Variants in NUP50 observed in about 807,000 individuals in gnomAD.
The protein encoded by NUP50 is nuclear pore complex protein Nup50.
NUP50 carries 14 observed loss-of-function variants against 36.8 expected under a neutral mutation model. The observed-to-expected ratio is 0.38, with a 90% CI of 0.25 to 0.59. The LOEUF (loss-of-function observed/expected upper bound fraction) is 0.59. Ranked by LOEUF, NUP50 falls within the 20% of genes least tolerant of loss-of-function variation. NUP50 has a pLI of 0.63. For missense variants in NUP50, 455 were observed against 564.6 expected, an observed-to-expected ratio of 0.81 and a Z score of 1.97; for synonymous variants, 195 against 210.8, an observed-to-expected ratio of 0.93 and a Z score of 0.65.
intron 6 of NUP50, among the ~76,000 whole-genome samples, chr22:45,182,396 C>T (rs1337681588): frequency 6.6e-6 from 1 of 152,096 alleles, no homozygotes; most frequent in Non-Finnish European, 1.5e-5. Flanking sequence ...GAGCCAAGAT[C>T]ATGCCACTGC....
chr22:45,181,825 C>G (rs554270039), intron 6 of NUP50, among the ~76,000 whole-genome samples: 2 of 152,348 alleles, frequency 1.3e-5, no homozygotes, highest in South Asian at 4.1e-4. Flanking sequence ...AAGTTAAGCA[C>G]AGTAACCGTC....
At chr22:45,177,471 A>G (rs1011445290) in intron 4 of NUP50, among the ~76,000 whole-genome samples, 10 of 152,060 alleles carry the variant, frequency 6.6e-5, no homozygotes, top group Non-Finnish European at 1.3e-4. Context: ...GTGAGCCACC[A>G]CACCTGGCTG....
intron 4 of NUP50, chr22:45,177,683 A>G: frequency 6.5e-6 from 1 of 152,906 alleles, no homozygotes; most frequent in Non-Finnish European, 1.5e-5. Context: ...GTCCTTTTGA[A>G]GGAAAAGATT....
chr22:45,171,054 T>C (rs2074185048), intron 2 of NUP50: 2 of 1,303,512 alleles, frequency 1.5e-6, no homozygotes, highest in Non-Finnish European at 2.0e-6. Flanking sequence ...ACATCAGAAG[T>C]GTGGACATGA....
chr22:45,171,472 G>C, intron 2 of NUP50, 128 bp from the exon 3 acceptor site: 2 of 869,746 alleles, frequency 2.3e-6, no homozygotes, highest in East Asian at 2.6e-5. Flanking sequence ...GCAAGCCATT[G>C]TGCCTGGCCA....
intron 2 of NUP50, 38 bp from the exon 3 acceptor site, chr22:45,171,562 C>T: frequency 3.9e-6 from 6 of 1,555,026 alleles, no homozygotes; most frequent in Non-Finnish European, 5.3e-6. Context: ...ATCTGTTTGG[C>T]TTTATCTTAC....
Position 45,168,359 on chromosome 22 carries a change from A to T in NUP50, c.69+113A>T, listed in dbSNP as rs551236454. On this transcript the variant is annotated intron_variant, in intron 2 of 7. Transcript: ENST00000347635. The stretch of plus-strand genomic sequence containing the variant: ...ACTAAAAGACCTTTCTAAGAACATC[A>T]TGAATGGGAGATGACAAGAAATTAT... 1.4e-4 allele frequency: 103 copies of T among 713,440 alleles called. 1 individual carries two copies. In the Admixed American group the frequency reaches 2.9e-3, roughly 20 times the overall value. 44.2% of individuals were successfully genotyped at this position (713,440 alleles called of 1,614,324 possible).
chr22:45,187,431 AAG>A lies in NUP50; in HGVS notation c.*2780_*2781del, dbSNP rs1414073654. 1.3e-5 allele frequency: 2 copies of A among 152,148 alleles called. No individual in the cohort carries two copies. The highest frequency in any genetic ancestry group is 1.9e-4 in the East Asian group (1 of 5,180). 9.4% of individuals were successfully genotyped at this position (152,148 alleles called of 1,614,324 possible). On this transcript the variant is annotated 3_prime_UTR_variant, in exon 8 of 8. Coordinates refer to ENST00000347635, the MANE Select transcript of NUP50 (RefSeq NM_007172.4). ...TATGCTGCATGCCAAAAAAAAAAAA[AAG>A]AGAAAACTGCCTTTTCTGGTGTGGA... is the stretch of plus-strand genomic sequence containing the variant.
rs772835288 is a variant in NUP50, at chr22:45,184,629, A to G, written c.1381A>G (p.Ile461Val). 3.7e-6 allele frequency: 6 copies of G among 1,613,142 alleles called. No individual in the cohort carries two copies. The change falls in exon 8 of 8, where the codon ATT becomes GTT. Residue 461 changes from isoleucine (I) to valine (V), a missense_variant. Around this residue, in one of 3 missense-constraint regions of NUP50, gnomAD observed 287 missense variants for 345.5 expected, o/e 0.83. Coordinates refer to ENST00000347635, the MANE Select transcript of NUP50 (RefSeq NM_007172.4). ...TSEDADELHK[I>V]LLEKKDA ...CGAGGATGCAGACGAGTTGCACAAA[A>G]TTTTACTGGAGAAAAAGGATGCCTG...
At chr22:45,184,140 C>T (rs1601793334) in intron 7 of NUP50, 1 of 351,198 alleles carries the variant, frequency 2.8e-6, no homozygotes, top group South Asian at 3.4e-5. Flanking sequence ...CGTGTTCTTC[C>T]TTCAGTGCAA....
chr22:45,182,613 C>T (rs2074390977), intron 6 of NUP50, among the ~76,000 whole-genome samples: 1 of 137,112 alleles, frequency 7.3e-6, no homozygotes, highest in Admixed American at 8.0e-5. Flanking sequence ...CTGAAAGAGC[C>T]TTGAGGTTTG....
chr22:45,166,587 C>T (rs8137392), intron 1 of NUP50, among the ~76,000 whole-genome samples: 65,288 of 151,744 alleles, frequency 0.43, 15,097 homozygotes, highest in Non-Finnish European at 0.52. Flanking sequence ...TCGCTGGCCC[C>T]ACAGTTAATC....
chr22:45,180,225 G>A (rs1301158877), intron 5 of NUP50: 1 of 152,230 alleles, frequency 6.6e-6, no homozygotes, highest in Non-Finnish European at 1.5e-5. Context: ...CACAGTTTAA[G>A]CATCAGAAGA....
intron 2 of NUP50, among the ~76,000 whole-genome samples, chr22:45,169,173 A>T (rs1031566543): frequency 1.1e-4 from 17 of 152,172 alleles, no homozygotes; most frequent in African/African-American, 4.1e-4. Context: ...AAGTGCTGGG[A>T]TTACAGGCGA....
Position 45,183,499 on chromosome 22 carries a change from G to T in NUP50, c.1183G>T (p.Val395Leu). 6.2e-7 allele frequency: 1 copy of T among 1,609,148 alleles called. No homozygotes were observed. Among genetic ancestry groups the T allele is most frequent in the Non-Finnish European group, 8.5e-7 (1 of 1,175,736 alleles). The part of the protein sequence containing the change: ...PTANQKTQLL[V>L]RADTNLGNIL... ...AGCAAATCAGAAGACACAGCTTTTG[G>T]TGCGGGCAGACACCAATTTAGGTGG... is the stretch of plus-strand genomic sequence containing the variant. Residue 395 changes from valine to leucine, a missense_variant, in exon 7 of 8, where the codon GTG (valine) becomes TTG (leucine). Val to Leu is a conservative substitution (Grantham distance 32). Coordinates refer to ENST00000347635, the MANE Select transcript of NUP50 (RefSeq NM_007172.4).
chr22:45,175,288 C>T (rs974371188), intron 3 of NUP50, among the ~76,000 whole-genome samples: 1 of 152,106 alleles, frequency 6.6e-6, no homozygotes, highest in African/African-American at 2.4e-5. Context: ...CTAGAAAAAC[C>T]TTGTTAAAAC....
At position 45,187,602 on chromosome 22, in the gene NUP50, A is replaced by C. The variant is rs1272897114; in HGVS notation, c.*2947A>C. 6.6e-6 allele frequency: 1 copy of C among 152,226 alleles called. No individual in the cohort carries two copies. Among genetic ancestry groups the C allele is most frequent in the African/African-American group, 2.4e-5 (1 of 41,452 alleles). 9.4% of individuals were successfully genotyped at this position (152,226 alleles called of 1,614,324 possible). On this transcript the variant is annotated 3_prime_UTR_variant, in exon 8 of 8. Coordinates refer to ENST00000347635, the MANE Select transcript of NUP50 (RefSeq NM_007172.4). Reference sequence around the variant, plus strand: ...TCAGAAGAGTCAAAATTCAAGCACGATACATTTTGAAGGCTTTGCAAACTC... The same window carrying C: ...TCAGAAGAGTCAAAATTCAAGCACGCTACATTTTGAAGGCTTTGCAAACTC...
At chr22:45,169,923 C>T (rs1248808958) in intron 2 of NUP50, among the ~76,000 whole-genome samples, 5 of 152,254 alleles carry the variant, frequency 3.3e-5, no homozygotes, top group Non-Finnish European at 7.3e-5. Flanking sequence ...TCAGTGGTCA[C>T]ACTCCTTGTC....
In NUP50 at chr22:45,175,987, A is replaced by G. The variant is rs1447458336; in HGVS notation, c.247A>G (p.Lys83Glu). ...TGGATTTGGTAGTGGCGCTGGAGGG[A>G]AGCCTTTGGAAGGACTGTCGAATGG... ...FSGFGSGAGG[K>E]PLEGLSNGNN... is the part of the protein sequence containing the mutation. Residue 83 changes from lysine (K) to glutamate (E), a missense_variant, in exon 4 of 8, where the codon AAG (lysine) becomes GAG (glutamate). Around this residue, in one of 3 missense-constraint regions of NUP50, gnomAD observed 166 missense variants for 202.8 expected, o/e 0.82. Coordinates refer to ENST00000347635, the MANE Select transcript of NUP50 (RefSeq NM_007172.4). The G allele has an allele frequency of 6.2e-7, 1 of 1,614,104 alleles. No homozygotes were observed. The highest frequency in any genetic ancestry group is 1.7e-5 in the Admixed American group (1 of 60,012).
Sources: gnomAD v4.1 joint callset for allele counts (sites outside exome capture counted in the v4.1 genomes callset) on GRCh38, gnomAD v4.1.1 for gene constraint, gnomAD v4.1.1 regional missense constraint, MANE v1.5 for transcripts, NCBI Gene and HGNC (gene_info 2026-07-23, HGNC 2026-07-21) for gene names.